The following IL6ST variants were observed in gnomAD, a reference collection of about 807,000 sequenced individuals.
IL6ST encodes interleukin-6 receptor subunit beta.
In IL6ST, 24 loss-of-function variants were observed where a neutral mutation model predicts 91.3. The observed-to-expected ratio is 0.26, with a 90% CI of 0.19 to 0.37. IL6ST has a LOEUF of 0.37. IL6ST is among the 10% of genes least tolerant of loss of function. IL6ST has a pLI of 1.00. For missense variants in IL6ST, 914 were observed against 1,078.5 expected (o/e 0.85, Z 2.14); for synonymous variants, 351 against 373.6 (o/e 0.94, Z 0.70).
rs111810340 is a variant in IL6ST, at chr5:55,960,173, C to T, written c.973+229G>A. Among the ~76,000 whole-genome samples, 547 of 152,216 alleles carry T rather than the reference C, an allele frequency of 3.6e-3. 2 individuals carry two copies. Among genetic ancestry groups the T allele is most frequent in the African/African-American group, 0.011 (453 of 41,528 alleles). The stretch of plus-strand genomic sequence containing the variant: ...TACTGGGATTACAGGTGTGAGCCAC[C>T]GCATCTGGCCTCCATGATAATTTAA... On this transcript the variant is annotated intron_variant, in intron 8 of 16. Transcript: ENST00000381298.
At chr5:55,968,493 G>A (rs1752766310) in intron 4 of IL6ST, 97 bp from the exon 5 acceptor site, 16 of 1,192,394 alleles carry the variant, frequency 1.3e-5, no homozygotes, top group Non-Finnish European at 1.7e-5. Context: ...TAAATTAGAT[G>A]AAAAAAATCA....
Position 55,952,295 on chromosome 5 carries a change from C to T in IL6ST, c.1507G>A (p.Gly503Arg). The change falls in exon 12 of 17, where the codon GGA becomes AGA. Residue 503 changes from glycine to arginine, a missense_variant. Coordinates refer to ENST00000381298, the MANE Select transcript of IL6ST (RefSeq NM_002184.4). ...TTTATGGATTCAGGGCTTCCTGGTC[C>T]ATCAGCATATACTGGAGTAACTGTT... ...LITVTPVYAD[G>R]PGSPESIKAY... The T allele has an allele frequency of 1.9e-6, 3 of 1,610,984 alleles. No homozygotes were observed. Among genetic ancestry groups the T allele is most frequent in the Non-Finnish European group, 2.5e-6 (3 of 1,177,724 alleles).
chr5:55,962,410 G>C (rs937398375), intron 7 of IL6ST, among the ~76,000 whole-genome samples: 5 of 152,196 alleles, frequency 3.3e-5, no homozygotes, highest in African/African-American at 1.2e-4. Flanking sequence ...ATGCTATGGT[G>C]ATAGCCTTTT....
intron 10 of IL6ST, among the ~76,000 whole-genome samples, chr5:55,955,282 ACC>A (rs940859243): frequency 1.3e-5 from 2 of 151,992 alleles, no homozygotes; most frequent in Non-Finnish European, 2.9e-5. Context: ...ACACGGTGAA[ACC>A]CCGTCTCTAC....
intron 3 of IL6ST, among the ~76,000 whole-genome samples, chr5:55,972,031 C>G (rs1214056415): frequency 3.3e-5 from 5 of 152,202 alleles, no homozygotes; most frequent in Admixed American, 2.0e-4. Flanking sequence ...AAGTTACTCT[C>G]TGATACTGGG....
intron 4 of IL6ST, among the ~76,000 whole-genome samples, chr5:55,968,732 G>C (rs1752782117): frequency 1.3e-5 from 2 of 152,138 alleles, no homozygotes; most frequent in Non-Finnish European, 2.9e-5. Flanking sequence ...ATATACATAT[G>C]TTTGTAAGAG....
In IL6ST at chr5:55,991,113, C is replaced by A. The variant is rs567779007; in HGVS notation, c.-104+3671G>T. On this transcript the variant is annotated intron_variant, in intron 1 of 16. Coordinates refer to ENST00000381298, the MANE Select transcript of IL6ST (RefSeq NM_002184.4). ...CATAGTATTCCATGGTGTATATGTG[C>A]CACATTTTCTTAATCCAGTCTATCA... Among the ~76,000 whole-genome samples the A allele has an allele frequency of 5.0e-4, 76 of 152,212 alleles. 1 individual carries two copies. Among genetic ancestry groups the A allele is most frequent in the Admixed American group, 8.5e-4 (13 of 15,282 alleles).
chr5:55,963,998 A>G, intron 6 of IL6ST, 148 bp downstream of exon 6: 1 of 395,176 alleles, frequency 2.5e-6, no homozygotes. Flanking sequence ...TACATTAATT[A>G]AAATCTAAAA....
intron 3 of IL6ST, among the ~76,000 whole-genome samples, chr5:55,970,455 G>T (rs1393153623): frequency 6.6e-6 from 1 of 152,184 alleles, no homozygotes; most frequent in African/African-American, 2.4e-5. Context: ...GGGAGGCCGA[G>T]GCAAGAGGAT....
At chr5:55,961,364 T>C in intron 7 of IL6ST, among the ~76,000 whole-genome samples, 1 of 152,168 alleles carries the variant, frequency 6.6e-6, no homozygotes, top group Non-Finnish European at 1.5e-5. Flanking sequence ...GGCTTAGAGC[T>C]GTTTCTACCT....
At chr5:55,985,520 C>CA (rs34568464) in intron 1 of IL6ST, among the ~76,000 whole-genome samples, 32,210 of 130,998 alleles carry the variant, frequency 0.25, 3,994 homozygotes, top group Admixed American at 0.34. Context: ...GACTCCTTCT[C>CA]AAAAAAAAAA....
chr5:55,991,743 T>TAA lies in IL6ST; in HGVS notation c.-104+3039_-104+3040dup, dbSNP rs74490662. Among the ~76,000 whole-genome samples, 200 of 139,796 alleles carry TAA rather than the reference T, an allele frequency of 1.4e-3. No homozygotes were observed. The Middle Eastern group carries it at 0.019, about 13-fold the overall frequency. The allele number at this position is 139,796 out of a possible 152,430, so 91.7% of individuals were successfully genotyped here. ...TTCCAATACTCAAGTTTCTCTATTC[T>TAA]AAAAAAAAAAAAAAATCCTTTCCTC... is the stretch of plus-strand genomic sequence containing the variant. On this transcript the variant is annotated intron_variant, in intron 1 of 16. Coordinates refer to ENST00000381298, the MANE Select transcript of IL6ST (RefSeq NM_002184.4).
At chr5:55,959,624 A>G in intron 8 of IL6ST, 1 of 1,292,880 alleles carries the variant, frequency 7.7e-7, no homozygotes, top group Non-Finnish European at 1.0e-6. Context: ...ATAAAAACTA[A>G]CCAACCAAAA....
chr5:55,966,827 G>A (rs1580829952), intron 5 of IL6ST, among the ~76,000 whole-genome samples: 2 of 151,936 alleles, frequency 1.3e-5, no homozygotes, highest in East Asian at 3.9e-4. Flanking sequence ...AGTAAATAAA[G>A]GAATAAGGCT....
chr5:55,964,344 A>G, intron 5 of IL6ST, 32 bp from the exon 6 acceptor site: 1 of 1,520,696 alleles, frequency 6.6e-7, no homozygotes. Context: ...ATCAGTCATT[A>G]AAAACACATC....
chr5:55,950,342 T>A, intron 14 of IL6ST: 1 of 335,278 alleles, frequency 3.0e-6, no homozygotes, highest in South Asian at 2.3e-5. Context: ...GTCGAGACCA[T>A]CCCAGCCAAC....
intron 9 of IL6ST, 54 bp downstream of exon 9, chr5:55,957,155 T>TC: frequency 3.6e-6 from 3 of 830,252 alleles, no homozygotes; most frequent in Non-Finnish European, 5.5e-6. Flanking sequence ...AGACTCGGTT[T>TC]CAAAAAAAAA....
intron 3 of IL6ST, among the ~76,000 whole-genome samples, chr5:55,970,616 G>C (rs753348552): frequency 6.6e-6 from 1 of 152,050 alleles, no homozygotes; most frequent in Non-Finnish European, 1.5e-5. Context: ...TGAGCCCAAG[G>C]GGTCAAGGAT....
At chr5:55,961,391 G>A (rs1752307479) in intron 7 of IL6ST, among the ~76,000 whole-genome samples, 2 of 152,284 alleles carry the variant, frequency 1.3e-5, no homozygotes, top group East Asian at 1.9e-4. Context: ...CCAAAGGGAT[G>A]AGGGGAAGTA....
Sources: gnomAD v4.1 joint callset for allele counts (sites outside exome capture counted in the v4.1 genomes callset) on GRCh38, gnomAD v4.1.1 for gene constraint, MANE v1.5 for transcripts, NCBI Gene and HGNC (gene_info 2026-07-23, HGNC 2026-07-21) for gene names.